The following ROBO2 variants were observed in gnomAD, a reference collection of about 807,000 sequenced individuals.
ROBO2 encodes the protein roundabout homolog 2.
ROBO2 carries 53 observed loss-of-function variants against 160.8 expected under a neutral mutation model. The observed-to-expected ratio is 0.33, with a 90% CI of 0.26 to 0.41. ROBO2 has a LOEUF of 0.41. Ranked by LOEUF, ROBO2 falls within the 10% of genes least tolerant of loss-of-function variation. The pLI, the probability that ROBO2 is intolerant of heterozygous loss-of-function variation, is 1.00. For missense variants in ROBO2, 1,577 were observed against 1,722.4 expected, an observed-to-expected ratio of 0.92 and a Z score of 1.49; for synonymous variants, 664 against 611.7, an observed-to-expected ratio of 1.09 and a Z score of -1.26.
chr3:77,402,819 G>C (rs1483623264), intron 2 of ROBO2, among the ~76,000 whole-genome samples: 1 of 151,958 alleles, frequency 6.6e-6, no homozygotes, highest in Non-Finnish European at 1.5e-5. Context: ...TGAGTTAAAA[G>C]GTCAAACCAC....
chr3:77,239,811 G>A (rs1372434084), intron 2 of ROBO2, among the ~76,000 whole-genome samples: 1 of 152,018 alleles, frequency 6.6e-6, no homozygotes, highest in Admixed American at 6.6e-5. Flanking sequence ...TACAAACCTT[G>A]AGCTAGACAC....
intron 2 of ROBO2, among the ~76,000 whole-genome samples, chr3:76,794,602 T>A (rs2063569824): frequency 6.6e-6 from 1 of 152,112 alleles, no homozygotes; most frequent in Middle Eastern, 3.4e-3. Context: ...CTGATACTGT[T>A]TTAAGCCATT....
At chr3:76,733,227 GT>G (rs1333897640) in intron 2 of ROBO2, among the ~76,000 whole-genome samples, 3 of 152,132 alleles carry the variant, frequency 2.0e-5, no homozygotes, top group African/African-American at 7.2e-5. Context: ...AAAAATTCAA[GT>G]TTCCCCAGGT....
At chr3:77,504,158 A>G (rs974243659) in intron 5 of ROBO2, among the ~76,000 whole-genome samples, 2 of 152,170 alleles carry the variant, frequency 1.3e-5, no homozygotes, top group Non-Finnish European at 2.9e-5. Flanking sequence ...ATATAGACCT[A>G]TGGGATAACA....
chr3:77,204,168 G>T (rs1560227387), intron 2 of ROBO2, among the ~76,000 whole-genome samples: 1 of 152,096 alleles, frequency 6.6e-6, no homozygotes, highest in Non-Finnish European at 1.5e-5. Flanking sequence ...TAATTCTTCA[G>T]TATCCTAGGA....
intron 2 of ROBO2, among the ~76,000 whole-genome samples, chr3:76,554,486 T>C (rs570977098): frequency 2.9e-4 from 44 of 152,320 alleles, no homozygotes; most frequent in African/African-American, 9.9e-4. Context: ...ACATATGCTT[T>C]TGCTTAAACA....
At chr3:76,075,529 A>G (rs943602900) in intron 2 of ROBO2, among the ~76,000 whole-genome samples, 1 of 151,266 alleles carries the variant, frequency 6.6e-6, no homozygotes, top group African/African-American at 2.4e-5. Flanking sequence ...AAAAGCATAG[A>G]TGTGCTATTT....
At chr3:76,761,291 T>A (rs539966410) in intron 2 of ROBO2, among the ~76,000 whole-genome samples, 2 of 151,844 alleles carry the variant, frequency 1.3e-5, no homozygotes, top group African/African-American at 4.8e-5. Flanking sequence ...GAGTTCAGAT[T>A]AGGCTCAGCT....
intron 15 of ROBO2, among the ~76,000 whole-genome samples, chr3:77,578,451 G>A (rs1029773415): frequency 6.6e-6 from 1 of 151,838 alleles, no homozygotes; most frequent in African/African-American, 2.4e-5. Context: ...TACAAAACTA[G>A]ACACCCATTT....
chr3:76,356,386 G>A (rs1156488646), intron 2 of ROBO2, among the ~76,000 whole-genome samples: 1 of 151,500 alleles, frequency 6.6e-6, no homozygotes. Context: ...AAGCCAGGTT[G>A]AATAAAAAGC....
exon 20 of ROBO2, chr3:77,602,383 G>A (rs1282454262): frequency 1.2e-6 from 2 of 1,614,068 alleles, no homozygotes; most frequent in Non-Finnish European, 1.7e-6. Flanking sequence ...CAGCATACAT[G>A]AATTGGCTGT....
chr3:77,225,962 T>C (rs1464777561), intron 2 of ROBO2, among the ~76,000 whole-genome samples: 1 of 151,968 alleles, frequency 6.6e-6, no homozygotes, highest in South Asian at 2.1e-4. Flanking sequence ...GCATTTTAAT[T>C]AGAATAGTAT....
At chr3:77,078,899 C>T (rs1322666096) in intron 1 of ROBO2, among the ~76,000 whole-genome samples, 1 of 152,120 alleles carries the variant, frequency 6.6e-6, no homozygotes, top group Non-Finnish European at 1.5e-5. Flanking sequence ...ATATCTTACT[C>T]TTGCCAGAAT....
chr3:76,231,206 C>G (rs993074257), intron 2 of ROBO2, among the ~76,000 whole-genome samples: 2 of 152,174 alleles, frequency 1.3e-5, no homozygotes, highest in Non-Finnish European at 2.9e-5. Context: ...GAGACTGATG[C>G]AGCCCAAGTT....
chr3:77,535,200 TTTTC>T (rs1451609143), intron 6 of ROBO2, among the ~76,000 whole-genome samples: 2 of 150,782 alleles, frequency 1.3e-5, no homozygotes, highest in Non-Finnish European at 2.9e-5. Flanking sequence ...AAGTTTTTCT[TTTTC>T]TTTTTCTTTT....
chr3:77,273,299 A>C (rs139400210), intron 2 of ROBO2, among the ~76,000 whole-genome samples: 83 of 152,310 alleles, frequency 5.4e-4, no homozygotes, highest in African/African-American at 1.9e-3. Context: ...TACCCTAAGC[A>C]AATTGAGGCA....
chr3:75,933,516 AT>A (rs879322188), intron 1 of ROBO2, among the ~76,000 whole-genome samples: 734 of 143,886 alleles, frequency 5.1e-3, no homozygotes, highest in Middle Eastern at 7.4e-3. Flanking sequence ...TCCAGAGAGG[AT>A]TTTTTTTTTT....
intron 2 of ROBO2, among the ~76,000 whole-genome samples, chr3:76,351,011 A>G (rs2074838228): frequency 6.6e-6 from 1 of 152,008 alleles, no homozygotes; most frequent in Admixed American, 6.6e-5. Context: ...TGGTAGTCAT[A>G]ACTGCTTATA....
rs112992056 is a variant in ROBO2, at chr3:76,564,727, G to T, written c.110-533287G>T. ...CACAGGTGGGGACAGGCCAGATTTC[G>T]ATTTCATAGTTCACATTTTTCTAAT... On this transcript the variant is annotated intron_variant, in intron 2 of 26. Transcript: ENST00000487694. Among the ~76,000 whole-genome samples, 1,263 of 152,214 alleles carry T rather than the reference G, an allele frequency of 8.3e-3. 18 individuals are homozygous for T. The highest frequency in any genetic ancestry group is 0.028 in the African/African-American group (1,162 of 41,520).
Sources: allele counts gnomAD v4.1 joint callset (sites outside exome capture counted in the v4.1 genomes callset), GRCh38; gene constraint gnomAD v4.1.1; transcripts MANE v1.5; gene names NCBI Gene and HGNC (gene_info 2026-07-23, HGNC 2026-07-21).